Variants in ARHGEF28 observed in about 807,000 individuals in gnomAD.
The protein encoded by ARHGEF28 is 190 kDa guanine nucleotide exchange factor.
In ARHGEF28, 152 loss-of-function variants were observed where a neutral mutation model predicts 206.6. The ratio of observed to expected loss-of-function variants is 0.74; its 90% CI spans 0.64 to 0.84. ARHGEF28 has a LOEUF of 0.84. Among genes scored for constraint, ARHGEF28 ranks in the 40% least tolerant of loss-of-function variants. The pLI, the probability that ARHGEF28 is intolerant of heterozygous loss-of-function variation, is 0.00. For missense variants in ARHGEF28, 2,028 were observed against 2,073.2 expected (o/e 0.98, Z 0.42); for synonymous variants, 763 against 776.4 (o/e 0.98, Z 0.29).
intron 9 of ARHGEF28, among the ~76,000 whole-genome samples, chr5:73,822,135 G>C (rs1192022052): frequency 6.6e-6 from 1 of 152,164 alleles, no homozygotes; most frequent in Non-Finnish European, 1.5e-5. Context: ...AAGTGTACTT[G>C]TTATTTACGA....
intron 1 of ARHGEF28, 134 bp downstream of exon 1, chr5:73,626,456 C>T (rs1743008347): frequency 6.6e-6 from 1 of 152,174 alleles, no homozygotes; most frequent in Non-Finnish European, 1.5e-5. Flanking sequence ...CAGAGGTGAC[C>T]GGGGAACCGC....
At chr5:73,933,743 T>A (rs1375319509) in intron 35 of ARHGEF28, among the ~76,000 whole-genome samples, 2 of 152,138 alleles carry the variant, frequency 1.3e-5, no homozygotes, top group South Asian at 2.1e-4. Context: ...TTAAAGCAAA[T>A]CCGGGACATC....
rs1762408809 is a variant in ARHGEF28, at chr5:73,903,940, A to G, written c.4075-282A>G. On this transcript the variant is annotated intron_variant, in intron 31 of 35. Coordinates refer to ENST00000513042, the MANE Select transcript of ARHGEF28 (RefSeq NM_001177693.2). ...GGTAAATGTTGTTACTTGAGTTTTC[A>G]GGGTGTCCTTACTGTCATCCCTTGT... 8.8e-6 allele frequency: 4 copies of G among 453,826 alleles called. No individual in the cohort carries two copies. The Admixed American group carries it at 1.6e-4, about 18-fold the overall frequency. 28.1% of individuals were successfully genotyped at this position (453,826 alleles called of 1,614,324 possible). A position where few individuals can be genotyped will look rare whatever the true frequency, so the allele number is the denominator to read the frequency against.
intron 31 of ARHGEF28, chr5:73,901,557 G>A: frequency 5.1e-6 from 1 of 196,442 alleles, no homozygotes; most frequent in Non-Finnish European, 1.0e-5. Context: ...TGTGCTCTCT[G>A]ACTTCTGGTC....
intron 9 of ARHGEF28, among the ~76,000 whole-genome samples, chr5:73,800,103 T>C (rs1755045703): frequency 6.6e-6 from 1 of 152,190 alleles, no homozygotes; most frequent in South Asian, 2.1e-4. Context: ...ATCCCTATAA[T>C]ATCCCCACCC....
chr5:73,835,451 C>T (rs1236435866), intron 10 of ARHGEF28, among the ~76,000 whole-genome samples: 1 of 144,826 alleles, frequency 6.9e-6, no homozygotes, highest in Non-Finnish European at 1.5e-5. Flanking sequence ...GCCTGGGTGA[C>T]AGAGCAAGAC....
chr5:73,723,314 G>C (rs985413540), intron 2 of ARHGEF28, among the ~76,000 whole-genome samples: 7 of 152,138 alleles, frequency 4.6e-5, no homozygotes, highest in African/African-American at 1.7e-4. Context: ...TCAGCCTCCT[G>C]AGTACTGGGA....
At chr5:73,757,838 T>C (rs1347851933) in intron 4 of ARHGEF28, among the ~76,000 whole-genome samples, 1 of 152,226 alleles carries the variant, frequency 6.6e-6, no homozygotes, top group Non-Finnish European at 1.5e-5. Flanking sequence ...TGAATAGTAA[T>C]ATAATTATTC....
At chr5:73,655,450 T>C (rs1033595791) in intron 1 of ARHGEF28, among the ~76,000 whole-genome samples, 7 of 152,362 alleles carry the variant, frequency 4.6e-5, no homozygotes, top group Admixed American at 1.3e-4. Context: ...TTTATCTGCA[T>C]AGGCCCATGC....
chr5:73,758,613 T>A (rs1289977587), intron 4 of ARHGEF28, among the ~76,000 whole-genome samples: 3 of 152,172 alleles, frequency 2.0e-5, no homozygotes, highest in Non-Finnish European at 2.9e-5. Flanking sequence ...TGGAGTGCAG[T>A]GGGATGATAT....
intron 24 of ARHGEF28, among the ~76,000 whole-genome samples, chr5:73,885,255 C>T (rs1218364444): frequency 2.0e-5 from 3 of 151,938 alleles, no homozygotes; most frequent in African/African-American, 7.3e-5. Context: ...TTATTGATTA[C>T]CTATGTCTAA....
chr5:73,832,542 G>T (rs1251204137), intron 10 of ARHGEF28, 83 bp downstream of exon 10: 1 of 1,513,812 alleles, frequency 6.6e-7, no homozygotes, highest in Non-Finnish European at 9.0e-7. Context: ...GCATTGTTGT[G>T]TTCCTTTGAC....
At chr5:73,881,040 T>G (rs1162546867) in intron 22 of ARHGEF28, among the ~76,000 whole-genome samples, 1 of 27,770 alleles carries the variant, frequency 3.6e-5, no homozygotes, top group Non-Finnish European at 7.5e-5. Flanking sequence ...AGTTCAGGTT[T>G]TTTTTTTTTT....
chr5:73,934,693 G>C (rs1050472389), intron 35 of ARHGEF28, among the ~76,000 whole-genome samples: 4 of 152,150 alleles, frequency 2.6e-5, no homozygotes, highest in Non-Finnish European at 5.9e-5. Flanking sequence ...GTGAGAAAAG[G>C]CTCCCTGAGT....
intron 9 of ARHGEF28, among the ~76,000 whole-genome samples, chr5:73,822,640 T>C (rs1042947342): frequency 1.1e-4 from 16 of 151,830 alleles, no homozygotes; most frequent in African/African-American, 3.6e-4. Context: ...GCCCACCCCA[T>C]TTTTTTTAGA....
At chr5:73,878,659 T>G (rs1399203159) in intron 22 of ARHGEF28, among the ~76,000 whole-genome samples, 7 of 151,046 alleles carry the variant, frequency 4.6e-5, no homozygotes, top group East Asian at 3.9e-4. Flanking sequence ...GTCTGTAAAG[T>G]ATTTTATTTC....
At chr5:73,820,328 T>C (rs1756492677) in intron 9 of ARHGEF28, among the ~76,000 whole-genome samples, 1 of 152,150 alleles carries the variant, frequency 6.6e-6, no homozygotes, top group South Asian at 2.1e-4. Context: ...TTCCCTCTCC[T>C]ACTCTTCCTT....
intron 2 of ARHGEF28, among the ~76,000 whole-genome samples, chr5:73,727,715 C>T (rs1332911138): frequency 6.6e-6 from 1 of 152,188 alleles, no homozygotes; most frequent in Non-Finnish European, 1.5e-5. Context: ...CGTTAAGTGT[C>T]CTCTTTGCCA....
chr5:73,878,874 A>G (rs572616608), intron 22 of ARHGEF28, among the ~76,000 whole-genome samples: 38 of 151,626 alleles, frequency 2.5e-4, no homozygotes, highest in African/African-American at 9.0e-4. Context: ...CCTTCATTTC[A>G]ACTTTGGTGA....
Sources: allele counts gnomAD v4.1 joint callset (sites outside exome capture counted in the v4.1 genomes callset), GRCh38; gene constraint gnomAD v4.1.1; transcripts MANE v1.5; gene names NCBI Gene and HGNC (gene_info 2026-07-23, HGNC 2026-07-21).